The following PIAS1 variants were observed in gnomAD, a reference collection of about 807,000 sequenced individuals.
PIAS1 encodes E3 SUMO-protein ligase PIAS1.
PIAS1 carries 6 observed loss-of-function variants against 71.3 expected under a neutral mutation model. The ratio of observed to expected loss-of-function variants is 0.08; its 90% confidence interval spans 0.05 to 0.17. The LOEUF (loss-of-function observed/expected upper bound fraction) is 0.17. Among genes scored for constraint, PIAS1 ranks in the 10% least tolerant of loss-of-function variants. PIAS1 has a pLI of 1.00. For missense variants in PIAS1, 555 were observed against 793.6 expected, an observed-to-expected ratio of 0.70 and a Z score of 3.61; for synonymous variants, 303 against 292.9, an observed-to-expected ratio of 1.03 and a Z score of -0.35.
intron 2 of PIAS1, among the ~76,000 whole-genome samples, chr15:68,138,730 C>T (rs1413856547): frequency 2.0e-5 from 3 of 152,214 alleles, no homozygotes; most frequent in Non-Finnish European, 4.4e-5. Context: ...CCGCCTCAGT[C>T]TCCCAAAGTG....
chr15:68,058,057 G>A (rs1250813231), intron 1 of PIAS1, among the ~76,000 whole-genome samples: 1 of 152,170 alleles, frequency 6.6e-6, no homozygotes, highest in African/African-American at 2.4e-5. Context: ...AGGCTTTTGA[G>A]TTTAGTGTAA....
chr15:68,121,974 A>G (rs893945653), intron 2 of PIAS1, among the ~76,000 whole-genome samples: 5 of 152,046 alleles, frequency 3.3e-5, no homozygotes, highest in African/African-American at 1.2e-4. Flanking sequence ...CAAAAAATAC[A>G]AAAAATTAGC....
At chr15:68,180,547 G>T (rs534333385) in intron 11 of PIAS1, among the ~76,000 whole-genome samples, 8 of 149,624 alleles carry the variant, frequency 5.3e-5, no homozygotes, top group African/African-American at 2.0e-4. Context: ...TCTTTTTCCA[G>T]TTATACTGTT....
intron 12 of PIAS1, among the ~76,000 whole-genome samples, chr15:68,182,536 C>T (rs895934315): frequency 9.8e-5 from 11 of 112,440 alleles, no homozygotes; most frequent in Non-Finnish European, 5.4e-5. Flanking sequence ...GCTCTTATTG[C>T]TCAGGCTGGA....
At chr15:68,107,131 A>C (rs1480580105) in intron 2 of PIAS1, among the ~76,000 whole-genome samples, 1 of 152,176 alleles carries the variant, frequency 6.6e-6, no homozygotes, top group Non-Finnish European at 1.5e-5. Context: ...TGCTATTCAT[A>C]ATATTTCTTC....
At position 68,142,078 on chromosome 15, in the gene PIAS1, A is replaced by C. The variant is rs530226975; in HGVS notation, c.554+48A>C. ...TTGAAGTTTGACCTTTGAATCCAGT[A>C]GTCTATAATAAATGATTTTAAAAAA... is the stretch of plus-strand genomic sequence containing the variant. On this transcript the variant is annotated intron_variant, in intron 3 of 13. Coordinates refer to ENST00000249636, the MANE Select transcript of PIAS1 (RefSeq NM_016166.3). The C allele has an allele frequency of 4.1e-6, 5 of 1,233,862 alleles. No individual in the cohort carries two copies. The Admixed American group carries it at 9.8e-5, about 24-fold the overall frequency. 76.4% of individuals were successfully genotyped at this position (1,233,862 alleles called of 1,614,324 possible).
chr15:68,143,968 T>A (rs2141050073), intron 4 of PIAS1, among the ~76,000 whole-genome samples: 1 of 152,268 alleles, frequency 6.6e-6, no homozygotes, highest in East Asian at 1.9e-4. Context: ...TTACTAAGTA[T>A]TTTGTATTAA....
chr15:68,086,432 C>G lies in PIAS1; in HGVS notation c.151C>G (p.Pro51Ala). 1 of 1,613,892 alleles carries G rather than the reference C, an allele frequency of 6.2e-7. No individual in the cohort carries two copies. Among genetic ancestry groups the G allele is most frequent in the Non-Finnish European group, 8.5e-7 (1 of 1,179,836 alleles). Reference protein sequence around the residue: ...ALHLLKAGCSPAVQMKIKELY... With the variant: ...ALHLLKAGCSAAVQMKIKELY... ...GCATTTGCTAAAGGCTGGCTGTAGT[C>G]CTGCTGTGCAAATGAAAATTAAGGA... Residue 51 changes from proline (P) to alanine (A), a missense_variant, in exon 2 of 14, where the codon CCT becomes GCT. Coordinates refer to ENST00000249636, the MANE Select transcript of PIAS1 (RefSeq NM_016166.3). The surrounding 1 kb of genome is among the most constrained non-coding windows in gnomAD (Gnocchi z 7.2).
chr15:68,135,581 C>T (rs1337569948), intron 2 of PIAS1, among the ~76,000 whole-genome samples: 1 of 51,918 alleles, frequency 1.9e-5, no homozygotes, highest in African/African-American at 4.3e-5. Context: ...GGCAGAGGCG[C>T]CCCTCACCTC....
chr15:68,136,721 C>T lies in PIAS1; in HGVS notation c.470-5225C>T, dbSNP rs189516534. On this transcript the variant is annotated intron_variant, in intron 2 of 13. Coordinates refer to ENST00000249636, the MANE Select transcript of PIAS1 (RefSeq NM_016166.3). ...AAGGAACAGCTAAGTTCAGAATTAG[C>T]AGAAGAATTTAAAAGGAGATTGTTG... Among the ~76,000 whole-genome samples, 165 of 152,120 alleles carry T rather than the reference C, an allele frequency of 1.1e-3. 1 individual carries two copies. The highest frequency in any genetic ancestry group is 3.9e-3 in the African/African-American group (160 of 41,500).
rs2093129577 is a variant in PIAS1 at position 68,193,458 on chromosome 15, G to A, written c.*5623G>A. 2 of 152,658 alleles carry A rather than the reference G, an allele frequency of 1.3e-5. No homozygotes were observed. Among genetic ancestry groups the A allele is most frequent in the Non-Finnish European group, 2.9e-5 (2 of 68,368 alleles). 9.5% of individuals were successfully genotyped at this position (152,658 alleles called of 1,614,324 possible). On this transcript the variant is annotated 3_prime_UTR_variant, in exon 14 of 14. Transcript: ENST00000249636. ...ATGAGAATTTGTAAATGGGCCTCTG[G>A]CACTGCAAGAATTGTTGTCATAAGT... is the stretch of plus-strand genomic sequence containing the variant.
At position 68,086,225 on chromosome 15, in the gene PIAS1, G is replaced by A. The variant is rs2092280265; in HGVS notation, c.25-81G>A. 2 of 923,096 alleles carry A rather than the reference G, an allele frequency of 2.2e-6. No individual in the cohort carries two copies. Among genetic ancestry groups the A allele is most frequent in the Admixed American group, 2.9e-5 (1 of 34,684 alleles). 57.2% of individuals were successfully genotyped at this position (923,096 alleles called of 1,614,324 possible). A position where few individuals can be genotyped will look rare whatever the true frequency, so the allele number is the denominator to read the frequency against. On this transcript the variant is annotated intron_variant, in intron 1 of 13. Transcript: ENST00000249636. This position sits in a 1 kb window ranked among gnomAD's most constrained non-coding sequence, Gnocchi z 7.2. ...ATTTGCTTAAGTAAACCATAAGAAG[G>A]GGGTTATAATAAAGTGTCATTTAAT...
intron 2 of PIAS1, among the ~76,000 whole-genome samples, chr15:68,108,351 A>C (rs1323255442): frequency 1.3e-5 from 2 of 152,120 alleles, no homozygotes; most frequent in Non-Finnish European, 2.9e-5. Context: ...AGTACTTGAC[A>C]CAGTTGATGA....
At chr15:68,160,153 G>A (rs1359438634) in intron 7 of PIAS1, among the ~76,000 whole-genome samples, 2 of 152,030 alleles carry the variant, frequency 1.3e-5, no homozygotes, top group African/African-American at 4.8e-5. Context: ...ATTTTTTAAT[G>A]TCATGCTTTT....
chr15:68,183,719 C>T (rs1399759366), intron 13 of PIAS1, 52 bp downstream of exon 13: 1 of 698,154 alleles, frequency 1.4e-6, no homozygotes, highest in Non-Finnish European at 2.5e-6. Context: ...AAAATACAGT[C>T]ATGCGCCACA....
At chr15:68,125,697 G>A (rs374903990) in intron 2 of PIAS1, among the ~76,000 whole-genome samples, 1 of 151,692 alleles carries the variant, frequency 6.6e-6, no homozygotes, top group Non-Finnish European at 1.5e-5. Context: ...GCTGGTTTCC[G>A]ATTTTTTTTT....
chr15:68,117,967 C>A (rs140699129), intron 2 of PIAS1, among the ~76,000 whole-genome samples: 1 of 152,182 alleles, frequency 6.6e-6, no homozygotes, highest in African/African-American at 2.4e-5. Context: ...AACATTCCCA[C>A]CATCATTATG....
rs60876730 is a variant in PIAS1 at position 68,173,626 on chromosome 15, A to C, written c.1009-106A>C. The C allele has an allele frequency of 1.6e-6, 1 of 611,048 alleles. No individual in the cohort carries two copies. The highest frequency in any genetic ancestry group is 3.6e-5 in the South Asian group (1 of 27,556). 37.9% of individuals were successfully genotyped at this position (611,048 alleles called of 1,614,324 possible). On this transcript the variant is annotated intron_variant, in intron 8 of 13. Coordinates refer to ENST00000249636, the MANE Select transcript of PIAS1 (RefSeq NM_016166.3). The surrounding 1 kb of genome is among the most constrained non-coding windows in gnomAD (Gnocchi z 4.3). ...TACATTGATGAAAAGTCAACACTGT[A>C]TGCTTTAAATCAGCATGCCTACCTG...
Position 68,178,876 on chromosome 15 carries a change from A to G in PIAS1, c.1481+2222A>G, listed in dbSNP as rs1256746204. Among the ~76,000 whole-genome samples the G allele has an allele frequency of 6.6e-6, 1 of 152,170 alleles. No individual in the cohort carries two copies. Among genetic ancestry groups the G allele is most frequent in the Non-Finnish European group, 1.5e-5 (1 of 68,024 alleles). On this transcript the variant is annotated intron_variant, in intron 11 of 13. Transcript: ENST00000249636. This position sits in a 1 kb window ranked among gnomAD's most constrained non-coding sequence, Gnocchi z 4.2. ...ATATTTACTTTGCTCTTTCTCCAAA[A>G]ATATTTGGAGAAAATAAAATAAATA...
Sources: allele counts gnomAD v4.1 joint callset (sites outside exome capture counted in the v4.1 genomes callset), GRCh38; gene constraint gnomAD v4.1.1; non-coding constraint Gnocchi (gnomAD v3.1); transcripts MANE v1.5; gene names NCBI Gene and HGNC (gene_info 2026-07-23, HGNC 2026-07-21).